The following TEX11 variants were observed in gnomAD, a reference collection of about 807,000 sequenced individuals.
TEX11 encodes testis expressed 11.
In TEX11, 7 loss-of-function variants were observed where a neutral mutation model predicts 84.4. That is an observed-to-expected ratio of 0.08 (90% confidence interval 0.05 to 0.16). The LOEUF is 0.16. TEX11 is among the 10% of genes least tolerant of loss of function. The probability of loss-of-function intolerance (pLI) is 1.00; values close to 1 mark genes in which losing one functional copy is unlikely to be tolerated. For synonymous variants in TEX11, 264 were observed against 222.8 expected (o/e 1.18, Z -1.64); for missense variants, 551 against 660.5 (o/e 0.83, Z 1.82).
intron 7 of TEX11, among the ~76,000 whole-genome samples, chrX:70,841,956 C>A (rs1183739746): frequency 9.0e-6 from 1 of 111,528 alleles, no homozygotes; most frequent in African/African-American, 3.3e-5. Flanking sequence ...CTGAATAGAC[C>A]AATAACAGGC....
intron 7 of TEX11, among the ~76,000 whole-genome samples, chrX:70,843,888 A>G (rs934136345): frequency 8.9e-6 from 1 of 111,980 alleles, no homozygotes. Flanking sequence ...CCATCAGAGA[A>G]ATGCAAATCA....
At chrX:70,650,096 A>G (rs2089793847) in intron 17 of TEX11, among the ~76,000 whole-genome samples, 1 of 112,076 alleles carries the variant, frequency 8.9e-6, no homozygotes, top group South Asian at 3.7e-4. Flanking sequence ...GGAAAAGACA[A>G]AACTATAGAG....
At chrX:70,707,244 T>C (rs1055252688) in intron 13 of TEX11, among the ~76,000 whole-genome samples, 4 of 111,087 alleles carry the variant, frequency 3.6e-5, no homozygotes, top group African/African-American at 1.3e-4. Context: ...TGAATTCCTA[T>C]ACCAATTTGT....
rs535703730 is a variant in TEX11, at chrX:70,886,437, G to A, written c.38-6328C>T. ...GAATGGTGGTTTCCAAGGGCTGGGG[G>A]AAAGGGGTAATAGGGAGTTACTAAG... On this transcript the variant is annotated intron_variant, in intron 2 of 29. Transcript: ENST00000374333. 9.9e-5 allele frequency among the ~76,000 whole-genome samples: 11 copies of A among 111,477 alleles called. No individual in the cohort carries two copies. In the South Asian group the frequency reaches 4.2e-3, roughly 43 times the overall value.
intron 9 of TEX11, among the ~76,000 whole-genome samples, chrX:70,781,990 A>C (rs757742975): frequency 9.0e-6 from 1 of 111,072 alleles, no homozygotes; most frequent in South Asian, 3.9e-4. Flanking sequence ...ACCCCTCAAG[A>C]AGAGCAACCA....
intron 20 of TEX11, among the ~76,000 whole-genome samples, chrX:70,613,927 T>C (rs1248787745): frequency 9.0e-6 from 1 of 111,272 alleles, no homozygotes; most frequent in Non-Finnish European, 1.9e-5. Context: ...GACATTTTGA[T>C]GCACACCCTG....
At chrX:70,735,918 T>A (rs934062380) in intron 11 of TEX11, among the ~76,000 whole-genome samples, 2 of 112,029 alleles carry the variant, frequency 1.8e-5, no homozygotes, top group East Asian at 5.6e-4. Context: ...GGAGAATGTC[T>A]ATTGAGCTCC....
At chrX:70,561,328 A>T (rs926406020) in intron 25 of TEX11, among the ~76,000 whole-genome samples, 1 of 108,256 alleles carries the variant, frequency 9.2e-6, no homozygotes, top group South Asian at 4.1e-4. Context: ...TCTTGCTAGT[A>T]TACAGAAATA....
intron 8 of TEX11, among the ~76,000 whole-genome samples, chrX:70,827,739 C>T (rs995465579): frequency 2.7e-5 from 3 of 111,759 alleles, no homozygotes; most frequent in African/African-American, 9.7e-5. Context: ...AGGTAAATTG[C>T]TCAAGTTTCT....
intron 9 of TEX11, among the ~76,000 whole-genome samples, chrX:70,800,695 T>C (rs566585205): frequency 0.23 from 21,861 of 93,287 alleles, 1,841 homozygotes; most frequent in Admixed American, 0.41. Context: ...TGCTTTTTTT[T>C]TTTTTTTTTT....
intron 16 of TEX11, among the ~76,000 whole-genome samples, chrX:70,666,695 A>G (rs1169112411): frequency 8.9e-6 from 1 of 111,734 alleles, no homozygotes; most frequent in Non-Finnish European, 1.9e-5. Flanking sequence ...CCAACACGAA[A>G]CAGACTAAGA....
In TEX11 at chrX:70,907,407, A is replaced by T. The variant is rs2091839325; in HGVS notation, c.37+346T>A. Among the ~76,000 whole-genome samples, 3 of 106,624 alleles carry T rather than the reference A, an allele frequency of 2.8e-5. No homozygotes were observed. The South Asian group carries it at 1.2e-3, about 44-fold the overall frequency. The allele number at this position is 106,624 out of a possible 115,157, so 92.6% of individuals were successfully genotyped here. A position where few individuals can be genotyped will look rare whatever the true frequency, so the allele number is the denominator to read the frequency against. On this transcript the variant is annotated intron_variant, in intron 2 of 29. Transcript: ENST00000374333. ...CAAAACTCAGAAACAAAATATTTAG[A>T]TTTTTTTTTTTTTTTTTGAGACGGA...
At chrX:70,898,098 A>G (rs2147887426) in intron 2 of TEX11, among the ~76,000 whole-genome samples, 1 of 111,945 alleles carries the variant, frequency 8.9e-6, no homozygotes, top group Admixed American at 9.6e-5. Flanking sequence ...CTAGGAATAT[A>G]AAGATGAGTG....
At chrX:70,832,556 G>GA (rs1396824258) in intron 8 of TEX11, among the ~76,000 whole-genome samples, 1 of 111,718 alleles carries the variant, frequency 9.0e-6, no homozygotes, top group Non-Finnish European at 1.9e-5. Flanking sequence ...CCAATTTGGG[G>GA]AAAAAATAAG....
intron 25 of TEX11, among the ~76,000 whole-genome samples, chrX:70,578,060 C>T (rs2088703590): frequency 9.0e-6 from 1 of 111,694 alleles, no homozygotes; most frequent in South Asian, 3.8e-4. Context: ...GACTGAGATG[C>T]CCAATGGATA....
chrX:70,907,731 A>G (rs2091841741), intron 2 of TEX11, 22 bp downstream of exon 2: 3 of 1,125,040 alleles, frequency 2.7e-6, no homozygotes, highest in East Asian at 3.0e-5. Context: ...ACTATTTTGT[A>G]CTACCACGTA....
At chrX:70,631,169 T>G (rs2089506275) in intron 17 of TEX11, among the ~76,000 whole-genome samples, 1 of 111,811 alleles carries the variant, frequency 8.9e-6, no homozygotes, top group African/African-American at 3.3e-5. Context: ...TATAACACAT[T>G]CAACCCAACA....
At chrX:70,516,714 T>A in the TEX11 span, among the ~76,000 whole-genome samples, 1 of 110,538 alleles carries the variant, frequency 9.0e-6, no homozygotes, top group South Asian at 4.0e-4. Context: ...CCTTGGGCAG[T>A]ATGGCCATTT....
chrX:70,874,684 G>A (rs999186232), intron 3 of TEX11, among the ~76,000 whole-genome samples: 7 of 108,601 alleles, frequency 6.4e-5, no homozygotes, highest in African/African-American at 2.0e-4. Flanking sequence ...TTACAGGCAT[G>A]AGCCACCACA....
Sources: allele counts gnomAD v4.1 joint callset (sites outside exome capture counted in the v4.1 genomes callset), GRCh38; gene constraint gnomAD v4.1.1; transcripts MANE v1.5; gene names NCBI Gene and HGNC (gene_info 2026-07-23, HGNC 2026-07-21).